The following NFIA variants were observed in gnomAD, a reference collection of about 807,000 sequenced individuals.
The protein encoded by NFIA is nuclear factor I A.
NFIA carries 8 observed loss-of-function variants against 62.8 expected under a neutral mutation model. The ratio of observed to expected loss-of-function variants is 0.13; its 90% CI spans 0.07 to 0.23. NFIA has a LOEUF of 0.23. Ranked by LOEUF, NFIA falls within the 10% of genes least tolerant of loss-of-function variation. The pLI is 1.00. For synonymous variants in NFIA, 235 were observed against 238.1 expected (o/e 0.99, Z 0.12); for missense variants, 410 against 642.1 (o/e 0.64, Z 3.91).
At chr1:61,440,640 AG>A in intron 10 of NFIA, among the ~76,000 whole-genome samples, 1 of 151,802 alleles carries the variant, frequency 6.6e-6, no homozygotes, top group Middle Eastern at 3.4e-3. Context: ...TTTCTCTTTC[AG>A]ATTTTTGTAT....
intron 5 of NFIA, among the ~76,000 whole-genome samples, chr1:61,354,293 A>G (rs1662710464): frequency 6.6e-6 from 1 of 152,196 alleles, no homozygotes; most frequent in Middle Eastern, 3.2e-3. Flanking sequence ...TCTTCCTAGG[A>G]TGATTTTTAA....
At chr1:61,339,219 A>G (rs1270370559) in intron 4 of NFIA, among the ~76,000 whole-genome samples, 2 of 152,236 alleles carry the variant, frequency 1.3e-5, no homozygotes, top group East Asian at 3.8e-4. Context: ...TAATTTTAAA[A>G]TGAACGTCAC....
intron 2 of NFIA, among the ~76,000 whole-genome samples, chr1:61,261,650 A>G (rs776321029): frequency 3.9e-5 from 6 of 152,234 alleles, no homozygotes; most frequent in Non-Finnish European, 7.4e-5. Flanking sequence ...AAAGTACTCT[A>G]GGAGAAGAGA....
chr1:61,215,218 T>G (rs1653539793), intron 2 of NFIA, among the ~76,000 whole-genome samples: 1 of 152,348 alleles, frequency 6.6e-6, no homozygotes, highest in Admixed American at 6.5e-5. Context: ...AAAATGATTA[T>G]ACTGTTATAT....
In NFIA at chr1:61,377,371, C is replaced by A. The variant is rs553288321; in HGVS notation, c.947-5866C>A. ...ACATGCAGAGATTTAATCTCTGTAG[C>A]TGCCTCCTGCCTCTCTTGAGGCCAC... On this transcript the variant is annotated intron_variant, in intron 6 of 10. Coordinates refer to ENST00000403491, the MANE Select transcript of NFIA (RefSeq NM_001134673.4). Among the ~76,000 whole-genome samples, 6 of 152,280 alleles carry A rather than the reference C, an allele frequency of 3.9e-5. No homozygotes were observed. In the South Asian group the frequency reaches 6.2e-4, roughly 16 times the overall value.
intron 3 of NFIA, among the ~76,000 whole-genome samples, chr1:61,320,542 G>C (rs1356446920): frequency 6.6e-6 from 1 of 152,118 alleles, no homozygotes; most frequent in African/African-American, 2.4e-5. Context: ...TGGAGTCTTA[G>C]AAAAGTAATT....
intron 2 of NFIA, among the ~76,000 whole-genome samples, chr1:61,129,784 C>A (rs1647041867): frequency 6.6e-6 from 1 of 152,070 alleles, no homozygotes; most frequent in Admixed American, 6.5e-5. Context: ...GTTACCAGTT[C>A]TTTGCAGTGT....
At chr1:61,083,796 C>T (rs1646167547) in intron 1 of NFIA, among the ~76,000 whole-genome samples, 1 of 151,380 alleles carries the variant, frequency 6.6e-6, no homozygotes, top group Non-Finnish European at 1.5e-5. Flanking sequence ...CGCCACCGCG[C>T]GACTCCGGCC....
chr1:61,173,445 T>A (rs922715559), intron 2 of NFIA, among the ~76,000 whole-genome samples: 4 of 152,172 alleles, frequency 2.6e-5, no homozygotes, highest in African/African-American at 9.7e-5. Flanking sequence ...AGGAGTGCAG[T>A]GGCGTGATCT....
intron 2 of NFIA, among the ~76,000 whole-genome samples, chr1:61,192,275 C>T (rs1435800323): frequency 1.3e-5 from 2 of 152,228 alleles, no homozygotes; most frequent in Non-Finnish European, 2.9e-5. Context: ...TGAGCCACTG[C>T]ACCCGGCCAA....
chr1:61,288,071 A>G (rs1658621035), intron 3 of NFIA, among the ~76,000 whole-genome samples: 1 of 152,226 alleles, frequency 6.6e-6, no homozygotes, highest in African/African-American at 2.4e-5. Flanking sequence ...CAATAGGTAC[A>G]ATATAATAGT....
At chr1:61,296,452 T>C (rs1027922092) in intron 3 of NFIA, among the ~76,000 whole-genome samples, 1 of 152,170 alleles carries the variant, frequency 6.6e-6, no homozygotes, top group African/African-American at 2.4e-5. Context: ...CAAAGATGTT[T>C]TAGTAAATAG....
At chr1:61,440,409 C>A (rs895827465) in intron 10 of NFIA, among the ~76,000 whole-genome samples, 3 of 152,136 alleles carry the variant, frequency 2.0e-5, no homozygotes, top group African/African-American at 4.8e-5. Flanking sequence ...CCAAGTAATT[C>A]TCATATACAG....
intron 2 of NFIA, among the ~76,000 whole-genome samples, chr1:61,209,151 T>C (rs1653082536): frequency 6.6e-6 from 1 of 152,154 alleles, no homozygotes; most frequent in Admixed American, 6.5e-5. Context: ...GATATTGGTC[T>C]TTTGTATTCC....
chr1:61,103,682 A>T (rs1480925281), intron 2 of NFIA, among the ~76,000 whole-genome samples: 1 of 152,176 alleles, frequency 6.6e-6, no homozygotes. Flanking sequence ...TGAGAAGCTT[A>T]TAATATGGAT....
intron 3 of NFIA, among the ~76,000 whole-genome samples, chr1:61,282,707 A>G (rs545402307): frequency 8.5e-5 from 13 of 152,280 alleles, no homozygotes; most frequent in East Asian, 5.8e-4. Flanking sequence ...ATCCTTAACT[A>G]AAAAAAGAAA....
chr1:61,332,683 C>A, intron 4 of NFIA, 97 bp downstream of exon 4: 1 of 951,238 alleles, frequency 1.1e-6, no homozygotes, highest in Non-Finnish European at 1.6e-6. Context: ...CTTTCAGAAT[C>A]TCCTTTTCAT....
In NFIA at chr1:61,117,796, T is replaced by C. The variant is rs181941044; in HGVS notation, c.559+29116T>C. ...CTTTGAGCTTAGTGATGAAAGCATA[T>C]GACATAGTCTGTAGCCTCAAATTTT... On this transcript the variant is annotated intron_variant, in intron 2 of 10. Coordinates refer to ENST00000403491, the MANE Select transcript of NFIA (RefSeq NM_001134673.4). 2.0e-5 allele frequency among the ~76,000 whole-genome samples: 3 copies of C among 152,326 alleles called. No homozygotes were observed. The East Asian group carries it at 5.8e-4, about 29-fold the overall frequency.
chr1:61,265,522 G>A (rs1318650596), intron 2 of NFIA, among the ~76,000 whole-genome samples: 2 of 152,132 alleles, frequency 1.3e-5, no homozygotes, highest in African/African-American at 4.8e-5. Flanking sequence ...AGTCTGTGGA[G>A]CATTTATTGG....
Sources: gnomAD v4.1 joint callset for allele counts (sites outside exome capture counted in the v4.1 genomes callset) on GRCh38, gnomAD v4.1.1 for gene constraint, MANE v1.5 for transcripts, NCBI Gene and HGNC (gene_info 2026-07-23, HGNC 2026-07-21) for gene names.